The following USP50 variants were observed in gnomAD, a reference collection of about 807,000 sequenced individuals.
The protein encoded by USP50 is ubiquitin specific peptidase 50, also known as ubiquitin carboxyl-terminal hydrolase 50.
In USP50, 37 loss-of-function variants were observed where a neutral mutation model predicts 39.2. That is an observed-to-expected ratio of 0.94 (90% CI 0.73 to 1.24). The LOEUF (loss-of-function observed/expected upper bound fraction) is 1.24, where lower values mean the gene tolerates loss of function less well. USP50 is among the 50% of genes most tolerant of loss of function. The probability of loss-of-function intolerance (pLI) is 0.00; values close to 1 mark genes in which losing one functional copy is unlikely to be tolerated. For synonymous variants in USP50, 139 were observed against 144.5 expected, an observed-to-expected ratio of 0.96 and a Z score of 0.27; for missense variants, 374 against 398.2, an observed-to-expected ratio of 0.94 and a Z score of 0.52.
chr15:50,495,837 T>C (rs2052380262), downstream of USP50: 3 of 1,597,638 alleles, frequency 1.9e-6, no homozygotes, highest in African/African-American at 1.3e-5. Flanking sequence ...CTTAAATCAT[T>C]TTATTTCCAG....
chr15:50,508,557 TTTAAAACA>T (rs2052694502), intron 6 of USP50: 1 of 152,090 alleles, frequency 6.6e-6, no homozygotes, highest in African/African-American at 2.4e-5. Flanking sequence ...GGACACTCAG[TTTAAAACA>T]TTAAAACATA....
downstream of USP50, chr15:50,495,835 AT>A: frequency 1.3e-6 from 2 of 1,593,626 alleles, no homozygotes; most frequent in Non-Finnish European, 1.7e-6. Flanking sequence ...AGCTTAAATC[AT>A]TTTATTTCCA....
At chr15:50,527,500 C>A (rs2052907961) in intron 6 of USP50, among the ~76,000 whole-genome samples, 1 of 151,896 alleles carries the variant, frequency 6.6e-6, no homozygotes, top group African/African-American at 2.4e-5. Context: ...AGCCACCATG[C>A]CCGGCCTGAG....
chr15:50,539,931 C>G (rs547765400), intron 4 of USP50, among the ~76,000 whole-genome samples: 1 of 152,114 alleles, frequency 6.6e-6, no homozygotes, highest in Non-Finnish European at 1.5e-5. Flanking sequence ...AGAAGAAGAG[C>G]GCAGATTTTG....
intron 6 of USP50, among the ~76,000 whole-genome samples, chr15:50,516,670 G>T (rs759964092): frequency 2.0e-5 from 3 of 151,906 alleles, no homozygotes; most frequent in Admixed American, 6.6e-5. Flanking sequence ...AGGCAGTAGG[G>T]ATACATATAG....
chr15:50,538,105 G>A (rs1347690535), intron 5 of USP50, among the ~76,000 whole-genome samples: 1 of 150,416 alleles, frequency 6.6e-6, no homozygotes, highest in Non-Finnish European at 1.5e-5. Flanking sequence ...GAAACCCCAT[G>A]TTTACCAAAA....
chr15:50,544,877 T>A, intron 1 of USP50, 96 bp from the exon 2 acceptor site: 2 of 1,224,274 alleles, frequency 1.6e-6, no homozygotes, highest in Non-Finnish European at 2.2e-6. Flanking sequence ...TAAAGAAGAG[T>A]TCTTAATAAG....
rs191602780 is a variant in USP50, at chr15:50,526,871, G to A, written c.936+2926C>T. 2.1e-3 allele frequency among the ~76,000 whole-genome samples: 313 copies of A among 152,334 alleles called. 2 individuals carry two copies. The highest frequency in any genetic ancestry group is 7.3e-3 in the African/African-American group (305 of 41,576). On this transcript the variant is annotated intron_variant, in intron 6 of 6. Coordinates refer to ENST00000532404, the MANE Select transcript of USP50 (RefSeq NM_203494.5). ...TTCTGTAAAATGGGAATAATACAGAGTGCCTACCTCGTAGGCTAGAATAAG... is the reference window on the plus strand; with the variant it reads ...TTCTGTAAAATGGGAATAATACAGAATGCCTACCTCGTAGGCTAGAATAAG...
intron 5 of USP50, among the ~76,000 whole-genome samples, chr15:50,530,535 G>T (rs2052931928): frequency 6.6e-6 from 1 of 151,766 alleles, no homozygotes; most frequent in Non-Finnish European, 1.5e-5. Context: ...AGTGAGCTGA[G>T]ATCGCACCAC....
chr15:50,515,234 G>A (rs1420046044), intron 6 of USP50, among the ~76,000 whole-genome samples: 3 of 151,860 alleles, frequency 2.0e-5, no homozygotes, highest in Non-Finnish European at 4.4e-5. Flanking sequence ...TGAGGCTTGT[G>A]TTTTGTTGTT....
intron 6 of USP50, among the ~76,000 whole-genome samples, chr15:50,515,880 C>G (rs2052799632): frequency 6.6e-6 from 1 of 152,016 alleles, no homozygotes; most frequent in Non-Finnish European, 1.5e-5. Context: ...TTTGATATAA[C>G]CTAACTGCCC....
intron 3 of USP50, among the ~76,000 whole-genome samples, chr15:50,543,068 G>A (rs752247523): frequency 6.6e-6 from 1 of 152,148 alleles, no homozygotes; most frequent in African/African-American, 2.4e-5. Context: ...TCCTAATTCG[G>A]TGATGAACTC....
At chr15:50,536,369 G>A (rs1157539310) in intron 5 of USP50, among the ~76,000 whole-genome samples, 2 of 152,116 alleles carry the variant, frequency 1.3e-5, no homozygotes, top group Non-Finnish European at 1.5e-5. Flanking sequence ...GGCTGGGCAT[G>A]GTGGCTCACA....
At chr15:50,543,816 T>C in intron 2 of USP50, 23 bp from the exon 3 acceptor site, 2 of 1,593,996 alleles carry the variant, frequency 1.3e-6, no homozygotes, top group Non-Finnish European at 1.7e-6. Context: ...AAGGGATATG[T>C]TTCTGGCTGA....
chr15:50,514,276 G>A (rs1366894376), intron 6 of USP50: 2 of 152,208 alleles, frequency 1.3e-5, no homozygotes, highest in Non-Finnish European at 2.9e-5. Context: ...TACAAGCACA[G>A]TTAGGGTGCT....
downstream of USP50, chr15:50,494,012 CCTTG>C (rs750617481): frequency 2.6e-5 from 41 of 1,567,890 alleles, no homozygotes; most frequent in Non-Finnish European, 3.4e-5. Flanking sequence ...ATCTACTGTA[CCTTG>C]CTTAACTTTT....
chr15:50,494,706 C>G (rs1017470159), intron 1 of USP50, among the ~76,000 whole-genome samples: 1 of 152,110 alleles, frequency 6.6e-6, no homozygotes, highest in African/African-American at 2.4e-5. Context: ...TTTATTCTTA[C>G]ACATCCTTCT....
chr15:50,505,369 G>A (rs948665866), intron 6 of USP50: 1 of 152,136 alleles, frequency 6.6e-6, no homozygotes, highest in Non-Finnish European at 1.5e-5. Context: ...AGACAATACA[G>A]TAGCTTCAAA....
At chr15:50,519,917 C>A (rs1039215751) in intron 6 of USP50, among the ~76,000 whole-genome samples, 2 of 152,090 alleles carry the variant, frequency 1.3e-5, no homozygotes, top group Admixed American at 6.6e-5. Flanking sequence ...TATGATCCAG[C>A]AATCCACTAC....
Sources: gnomAD v4.1 joint callset for allele counts (sites outside exome capture counted in the v4.1 genomes callset) on GRCh38, gnomAD v4.1.1 for gene constraint, MANE v1.5 for transcripts, NCBI Gene and HGNC (gene_info 2026-07-23, HGNC 2026-07-21) for gene names.